Variants in CRKL observed in about 807,000 individuals in gnomAD.
CRKL encodes CRK like proto-oncogene, adaptor protein.
Under a neutral mutation model 23.0 loss-of-function variants are expected in CRKL, and 3 were observed. The observed-to-expected ratio is 0.13, with a 90% confidence interval of 0.06 to 0.34. CRKL has a LOEUF of 0.34. CRKL is among the 10% of genes least tolerant of loss of function. CRKL has a pLI of 1.00. For synonymous variants in CRKL, 188 were observed against 160.7 expected (o/e 1.17, Z -1.28); for missense variants, 256 against 394.5 (o/e 0.65, Z 2.97).
Position 20,950,046 on chromosome 22 carries a change from T to A in CRKL, c.*201T>A. Reference sequence around the variant, plus strand: ...GTATCATAGTCGTATTGTCAAAGAGTAGCCGATTTTAGAGTTCTTTTGGAT... The same window carrying A: ...GTATCATAGTCGTATTGTCAAAGAGAAGCCGATTTTAGAGTTCTTTTGGAT... On this transcript the variant is annotated 3_prime_UTR_variant, in exon 3 of 3. Transcript: ENST00000354336. The A allele has an allele frequency of 1.7e-6, 1 of 590,380 alleles. No individual in the cohort carries two copies. 36.6% of individuals were successfully genotyped at this position (590,380 alleles called of 1,614,324 possible). A position where few individuals can be genotyped will look rare whatever the true frequency, so the allele number is the denominator to read the frequency against.
rs532736125 is a variant in CRKL at position 20,917,720 on chromosome 22, C to G, written c.-215C>G. 8 of 587,012 alleles carry G rather than the reference C, an allele frequency of 1.4e-5. No homozygotes were observed. The Admixed American group carries it at 2.6e-4, about 19-fold the overall frequency. The allele number at this position is 587,012 out of a possible 1,614,324, so 36.4% of individuals were successfully genotyped here. ...GGCTCTGCCGTGCATTCCCGGGCGG[C>G]TCTCTCCGTGTGGCGGCCCCGGAGC... On this transcript the variant is annotated 5_prime_UTR_variant, in exon 1 of 3. Coordinates refer to ENST00000354336, the MANE Select transcript of CRKL (RefSeq NM_005207.4).
chr22:20,933,906 G>T lies in CRKL; in HGVS notation c.439G>T (p.Gly147Cys), dbSNP rs2147904883. The T allele has an allele frequency of 6.2e-7, 1 of 1,614,146 alleles. No individual in the cohort carries two copies. The highest frequency in any genetic ancestry group is 8.5e-7 in the Non-Finnish European group (1 of 1,180,032). Residue 147 changes from glycine to cysteine, a missense_variant, in exon 2 of 3, where the codon GGT becomes TGT. Coordinates refer to ENST00000354336, the MANE Select transcript of CRKL (RefSeq NM_005207.4). ...NDAEDLPFKK[G>C]EILVIIEKPE... Reference sequence around the variant, plus strand: ...TGCCGAAGACCTGCCCTTTAAAAAGGGTGAGATCCTAGTGATAATAGAGAA... The same window carrying T: ...TGCCGAAGACCTGCCCTTTAAAAAGTGTGAGATCCTAGTGATAATAGAGAA...
At chr22:20,927,767 C>T (rs922135033) in intron 1 of CRKL, among the ~76,000 whole-genome samples, 5 of 134,008 alleles carry the variant, frequency 3.7e-5, no homozygotes, top group Non-Finnish European at 6.1e-5. Context: ...TGTTTGAACC[C>T]GGGAGGTGGA....
rs532930393 is a variant in CRKL, at chr22:20,927,192, A to ATTTTTTTTTTTTTTT, written c.312-6583_312-6569dup. Among the ~76,000 whole-genome samples, 332 of 81,958 alleles carry ATTTTTTTTTTTTTTT rather than the reference A, an allele frequency of 4.1e-3. 36 individuals carry two copies. The highest frequency in any genetic ancestry group is 0.011 in the Middle Eastern group (1 of 90). 53.8% of individuals were successfully genotyped at this position (81,958 alleles called of 152,430 possible). A position where few individuals can be genotyped will look rare whatever the true frequency, so the allele number is the denominator to read the frequency against. On this transcript the variant is annotated intron_variant, in intron 1 of 2. Transcript: ENST00000354336. The stretch of plus-strand genomic sequence containing the variant: ...AGTACTTAGCTCATCTTGGAATTGA[A>ATTTTTTTTTTTTTTT]TTTTTTTTTTTTTTTTTTGAGACAG...
At chr22:20,927,123 AAAAAAAAAAAAAAGAATGGT>A (rs1921236418) in intron 1 of CRKL, among the ~76,000 whole-genome samples, 1 of 116,478 alleles carries the variant, frequency 8.6e-6, no homozygotes, top group African/African-American at 3.3e-5. Context: ...AAAAAAAAAA[AAAAAAAAAAAAAAGAATGGT>A]GGTTAAAGCA....
chr22:20,925,211 G>A (rs1308260351), intron 1 of CRKL, among the ~76,000 whole-genome samples: 8 of 140,756 alleles, frequency 5.7e-5, no homozygotes, highest in Non-Finnish European at 1.2e-4. Context: ...AAAAAGAGTT[G>A]TGTTCCCATG....
Position 20,950,328 on chromosome 22 carries a change from C to CG in CRKL, c.*483_*484insG. The CG allele has an allele frequency of 4.6e-6, 1 of 217,282 alleles. No homozygotes were observed. The highest frequency in any genetic ancestry group is 7.0e-5 in the East Asian group (1 of 14,374). 13.5% of individuals were successfully genotyped at this position (217,282 alleles called of 1,614,324 possible). A position where few individuals can be genotyped will look rare whatever the true frequency, so the allele number is the denominator to read the frequency against. Reference sequence around the variant, plus strand: ...TCTGTTCTAAAACTCCAAAATCTGGCTTTTTTTTTTCTTTTGTTTTGGTTT... The same window carrying CG: ...TCTGTTCTAAAACTCCAAAATCTGGCGTTTTTTTTTTCTTTTGTTTTGGTTT... On this transcript the variant is annotated 3_prime_UTR_variant, in exon 3 of 3. Transcript: ENST00000354336.
chr22:20,947,675 C>CTTTTTTTTTTTTT (rs1491297940), intron 2 of CRKL, among the ~76,000 whole-genome samples: 2 of 86,014 alleles, frequency 2.3e-5, no homozygotes, highest in Non-Finnish European at 4.4e-5. Context: ...TTCTTTTTTT[C>CTTTTTTTTTTTTT]ATTTTTTTTT....
chr22:20,932,172 A>G (rs1232891137), intron 1 of CRKL, among the ~76,000 whole-genome samples: 2 of 151,908 alleles, frequency 1.3e-5, no homozygotes, highest in East Asian at 1.9e-4. Context: ...GTAATGATGC[A>G]GTCATAGCTC....
At chr22:20,941,586 A>ATTT (rs1445560449) in intron 2 of CRKL, among the ~76,000 whole-genome samples, 1 of 18,768 alleles carries the variant, frequency 5.3e-5, no homozygotes, top group Non-Finnish European at 1.3e-4. Flanking sequence ...GTGTATATAT[A>ATTT]TATTTTTTTT....
At chr22:20,947,675 C>CCTTTT (rs1491297940) in intron 2 of CRKL, among the ~76,000 whole-genome samples, 4 of 86,010 alleles carry the variant, frequency 4.7e-5, no homozygotes, top group African/African-American at 9.3e-5. Flanking sequence ...TTCTTTTTTT[C>CCTTTT]ATTTTTTTTT....
intron 2 of CRKL, among the ~76,000 whole-genome samples, chr22:20,940,600 T>G (rs2037286000): frequency 6.6e-6 from 1 of 151,582 alleles, no homozygotes; most frequent in African/African-American, 2.4e-5. Flanking sequence ...ATTTTTTTTC[T>G]TAGTGATACT....
At chr22:20,918,431 T>G (rs965758703) in intron 1 of CRKL, among the ~76,000 whole-genome samples, 186 bp downstream of exon 1, 2 of 4,756 alleles carry the variant, frequency 4.2e-4, no homozygotes, top group Non-Finnish European at 1.7e-3. Flanking sequence ...AGAGGATGCG[T>G]TTTTTTTTTT....
intron 2 of CRKL, among the ~76,000 whole-genome samples, chr22:20,940,590 A>AT (rs1321968528): frequency 2.5e-5 from 2 of 78,598 alleles, no homozygotes; most frequent in Admixed American, 1.2e-4. Flanking sequence ...TTTTTTTGGC[A>AT]TTTTTTTTCT....
At position 20,934,230 on chromosome 22, in the gene CRKL, G is replaced by C; in HGVS notation, c.763G>C (p.Ala255Pro). The C allele has an allele frequency of 6.2e-7, 1 of 1,612,482 alleles. No individual in the cohort carries two copies. The highest frequency in any genetic ancestry group is 8.5e-7 in the Non-Finnish European group (1 of 1,178,670). ...KRVPCAYDKT[A>P]LALEVGDIVK... Reference sequence around the variant, plus strand: ...AGTACCCTGTGCTTATGACAAGACTGCCTTGGCATTAGAGGTAAAATCTGT... The same window carrying C: ...AGTACCCTGTGCTTATGACAAGACTCCCTTGGCATTAGAGGTAAAATCTGT... The change falls in exon 2 of 3, where the codon GCC (alanine) becomes CCC (proline). Residue 255 changes from alanine to proline, a missense_variant. By Grantham distance (27) the Ala-to-Pro change is conservative. This residue lies in a region of CRKL where 129 missense variants were observed against 222.1 expected (regional missense o/e 0.58). Transcript: ENST00000354336.
At position 20,933,894 on chromosome 22, in the gene CRKL, C is replaced by T. The variant is rs781570771; in HGVS notation, c.427C>T (p.Pro143Ser). 1.2e-6 allele frequency: 2 copies of T among 1,614,102 alleles called. No individual in the cohort carries two copies. Among genetic ancestry groups the T allele is most frequent in the Non-Finnish European group, 1.7e-6 (2 of 1,180,020 alleles). Reference protein sequence around the residue: ...DFPGNDAEDLPFKKGEILVII... With the variant: ...DFPGNDAEDLSFKKGEILVII... ...TCCTGGGAATGATGCCGAAGACCTGCCCTTTAAAAAGGGTGAGATCCTAGT... is the reference window on the plus strand; with the variant it reads ...TCCTGGGAATGATGCCGAAGACCTGTCCTTTAAAAAGGGTGAGATCCTAGT... Residue 143 changes from proline to serine, a missense_variant, in exon 2 of 3, where the codon CCC becomes TCC. Transcript: ENST00000354336.
At chr22:20,918,473 G>C (rs750735749) in intron 1 of CRKL, among the ~76,000 whole-genome samples, 10 of 151,922 alleles carry the variant, frequency 6.6e-5, no homozygotes, top group Non-Finnish European at 1.2e-4. Flanking sequence ...TCAATGTGAA[G>C]AGGATGCGTT....
chr22:20,943,803 G>A (rs1367641860), intron 2 of CRKL, among the ~76,000 whole-genome samples: 2 of 149,872 alleles, frequency 1.3e-5, no homozygotes, highest in Admixed American at 6.7e-5. Context: ...GATCAGCCTG[G>A]GCTACATAGT....
rs1325547696 is a variant in CRKL, at chr22:20,917,622, CT to C, written c.-312del. The stretch of plus-strand genomic sequence containing the variant: ...AGGCCGGGAGTCACTGGAGGCACCC[CT>C]GGGACGCCGAGCAGCCCGAGAACCC... On this transcript the variant is annotated 5_prime_UTR_variant, in exon 1 of 3. Transcript: ENST00000354336. 2 of 410,692 alleles carry C rather than the reference CT, an allele frequency of 4.9e-6. No homozygotes were observed. The highest frequency in any genetic ancestry group is 4.3e-5 in the Admixed American group (1 of 23,274). 25.4% of individuals were successfully genotyped at this position (410,692 alleles called of 1,614,324 possible). A position where few individuals can be genotyped will look rare whatever the true frequency, so the allele number is the denominator to read the frequency against.
Sources: allele counts gnomAD v4.1 joint callset (sites outside exome capture counted in the v4.1 genomes callset), GRCh38; gene constraint gnomAD v4.1.1; regional missense constraint gnomAD v4.1.1; transcripts MANE v1.5; gene names NCBI Gene and HGNC (gene_info 2026-07-23, HGNC 2026-07-21).